Variants in DACH2 observed in about 807,000 individuals in gnomAD.
DACH2 encodes dachshund family transcription factor 2.
DACH2 carries 17 observed loss-of-function variants against 35.8 expected under a neutral mutation model. The observed-to-expected ratio is 0.48, with a 90% CI of 0.33 to 0.71. DACH2 has a LOEUF of 0.71. Ranked by LOEUF, DACH2 falls within the 30% of genes least tolerant of loss-of-function variation. The pLI is 0.02. For synonymous variants in DACH2, 195 were observed against 177.3 expected (o/e 1.10, Z -0.79); for missense variants, 469 against 472.7 (o/e 0.99, Z 0.07).
At chrX:86,450,423 T>A (rs2037353323) in intron 2 of DACH2, among the ~76,000 whole-genome samples, 2 of 111,681 alleles carry the variant, frequency 1.8e-5, no homozygotes, top group African/African-American at 6.5e-5. Flanking sequence ...TGTGGCTACA[T>A]AGTATTCCAT....
At chrX:86,150,740 C>T (rs989421084) in intron 1 of DACH2, among the ~76,000 whole-genome samples, 3 of 111,669 alleles carry the variant, frequency 2.7e-5, no homozygotes, top group Admixed American at 1.9e-4. Context: ...AATTTTATTT[C>T]GACTACAAAG....
chrX:86,170,701 G>T (rs745993035), intron 1 of DACH2, among the ~76,000 whole-genome samples: 1 of 112,344 alleles, frequency 8.9e-6, no homozygotes, highest in Non-Finnish European at 1.9e-5. Context: ...TAGTCAGCTT[G>T]TCGTTGTTAA....
intron 3 of DACH2, among the ~76,000 whole-genome samples, chrX:86,562,808 A>G (rs1209864637): frequency 1.8e-5 from 2 of 111,761 alleles, no homozygotes; most frequent in African/African-American, 6.5e-5. Flanking sequence ...TCTAATGACT[A>G]CATGATATGT....
chrX:86,643,609 T>G (rs77290543), intron 3 of DACH2, among the ~76,000 whole-genome samples: 5,857 of 110,976 alleles, frequency 0.053, 145 homozygotes, highest in South Asian at 0.12. Flanking sequence ...CAACTTATTC[T>G]AAGAGACCGT....
At chrX:86,278,684 C>T (rs1259546000) in intron 1 of DACH2, among the ~76,000 whole-genome samples, 2 of 111,636 alleles carry the variant, frequency 1.8e-5, no homozygotes, top group Non-Finnish European at 1.9e-5. Context: ...GGAATGTCAG[C>T]GAGACAGAAC....
chrX:86,788,304 A>G (rs2042157872), intron 7 of DACH2, among the ~76,000 whole-genome samples: 1 of 110,559 alleles, frequency 9.0e-6, no homozygotes, highest in African/African-American at 3.3e-5. Flanking sequence ...TTTTCTATCT[A>G]TTGGGAGACT....
chrX:86,530,409 A>G (rs62594986), intron 3 of DACH2, among the ~76,000 whole-genome samples: 5,644 of 111,331 alleles, frequency 0.051, 122 homozygotes, highest in Middle Eastern at 0.093. Flanking sequence ...TGGATCATGG[A>G]ATAGATTTCT....
intron 1 of DACH2, among the ~76,000 whole-genome samples, chrX:86,171,619 C>T (rs1468835636): frequency 9.0e-6 from 1 of 111,317 alleles, no homozygotes; most frequent in Non-Finnish European, 1.9e-5. Flanking sequence ...GATTTGTCTG[C>T]TCTAACATGA....
intron 2 of DACH2, among the ~76,000 whole-genome samples, chrX:86,405,454 A>C (rs888530047): frequency 9.0e-6 from 1 of 111,586 alleles, no homozygotes; most frequent in Non-Finnish European, 1.9e-5. Context: ...TCTAGTTCCC[A>C]ACAAGCTTTT....
chrX:86,252,114 CAT>C (rs2033413836), intron 1 of DACH2, among the ~76,000 whole-genome samples: 3 of 111,133 alleles, frequency 2.7e-5, no homozygotes, highest in African/African-American at 6.5e-5. Context: ...ATTTTTTTCA[CAT>C]GTTTGTTGGC....
Position 86,810,495 on chromosome X carries a change from ATACTTT to A in DACH2, c.1241-2360_1241-2355del, listed in dbSNP as rs1354680601. 6.4e-4 allele frequency among the ~76,000 whole-genome samples: 72 copies of A among 112,095 alleles called. No homozygotes were observed. In the Admixed American group the frequency reaches 6.7e-3, roughly 10 times the overall value. ...TAGCTTTTCCAGGCTACATAAATTA[ATACTTT>A]AAGATTTATAAACATCAGTATAAAA... On this transcript the variant is annotated intron_variant, in intron 7 of 11. Coordinates refer to ENST00000373125, the MANE Select transcript of DACH2 (RefSeq NM_053281.3).
At chrX:86,706,793 T>C (rs951331574) in intron 5 of DACH2, among the ~76,000 whole-genome samples, 1 of 109,991 alleles carries the variant, frequency 9.1e-6, no homozygotes, top group African/African-American at 3.3e-5. Context: ...TATTTTAAAG[T>C]AAATGACAAT....
chrX:86,335,059 A>G (rs1218865634), intron 1 of DACH2, among the ~76,000 whole-genome samples: 2 of 111,674 alleles, frequency 1.8e-5, no homozygotes, highest in African/African-American at 6.5e-5. Flanking sequence ...GTCAAAGATC[A>G]GATGGTTGTA....
At chrX:86,321,842 G>T (rs1441881495) in intron 1 of DACH2, among the ~76,000 whole-genome samples, 1 of 112,194 alleles carries the variant, frequency 8.9e-6, no homozygotes. Context: ...CAGAGAACCT[G>T]CATATATCCT....
intron 3 of DACH2, among the ~76,000 whole-genome samples, chrX:86,596,942 A>G (rs999168929): frequency 9.0e-6 from 1 of 111,196 alleles, no homozygotes; most frequent in Non-Finnish European, 1.9e-5. Flanking sequence ...TCAATTAACC[A>G]CATATTTATA....
intron 3 of DACH2, among the ~76,000 whole-genome samples, chrX:86,631,555 T>G (rs1053232888): frequency 8.9e-6 from 1 of 112,139 alleles, no homozygotes; most frequent in Admixed American, 9.5e-5. Flanking sequence ...TGGAGGGATA[T>G]TATCATTTGC....
intron 1 of DACH2, among the ~76,000 whole-genome samples, chrX:86,196,692 CAAAAAAAAA>C (rs56268300): frequency 7.3e-5 from 2 of 27,370 alleles, no homozygotes; most frequent in Admixed American, 1.6e-3. Context: ...GACTCCATCT[CAAAAAAAAA>C]AAAAAAAAAA....
At chrX:86,765,582 T>C (rs1489228484) in intron 7 of DACH2, among the ~76,000 whole-genome samples, 3 of 110,035 alleles carry the variant, frequency 2.7e-5, no homozygotes, top group Non-Finnish European at 5.7e-5. Flanking sequence ...TTCTGTTCCA[T>C]TGGTCTATAT....
chrX:86,742,707 A>C (rs1053717817), intron 7 of DACH2: 1 of 300,285 alleles, frequency 3.3e-6, no homozygotes, highest in Non-Finnish European at 6.4e-6. Context: ...CCATCAAAAA[A>C]TTCCAAAAAG....
Sources: allele counts gnomAD v4.1 joint callset (sites outside exome capture counted in the v4.1 genomes callset), GRCh38; gene constraint gnomAD v4.1.1; transcripts MANE v1.5; gene names NCBI Gene and HGNC (gene_info 2026-07-23, HGNC 2026-07-21).